RAB11FIP2: variants seen among roughly 807,000 people sequenced by gnomAD.
RAB11FIP2 encodes the protein RAB11 family interacting protein 2.
Under a neutral mutation model 40.9 loss-of-function variants are expected in RAB11FIP2, and 16 were observed. That is an observed-to-expected ratio of 0.39 (90% CI 0.26 to 0.59). The LOEUF (loss-of-function observed/expected upper bound fraction) is 0.59. Ranked by LOEUF, RAB11FIP2 falls within the 20% of genes least tolerant of loss-of-function variation. RAB11FIP2 has a pLI of 0.53. For synonymous variants in RAB11FIP2, 228 were observed against 213.7 expected (o/e 1.07, Z -0.58); for missense variants, 532 against 606.2 (o/e 0.88, Z 1.28).
Position 118,005,225 on chromosome 10 carries a change from G to A in RAB11FIP2, c.*3773C>T, listed in dbSNP as rs543577948. On this transcript the variant is annotated 3_prime_UTR_variant, in exon 5 of 5. Transcript: ENST00000355624. ...ATCTGGAAGCTTCGAAGACTAACAG[G>A]CCCACATGTATCATGTATTAGACTT... 1.3e-5 allele frequency: 2 copies of A among 152,638 alleles called. No individual in the cohort carries two copies. The highest frequency in any genetic ancestry group is 6.5e-5 in the Admixed American group (1 of 15,284). The allele number at this position is 152,638 out of a possible 1,614,324, so 9.5% of individuals were successfully genotyped here.
At chr10:118,024,263 A>C (rs969774092) in intron 3 of RAB11FIP2, among the ~76,000 whole-genome samples, 2 of 152,094 alleles carry the variant, frequency 1.3e-5, no homozygotes, top group African/African-American at 2.4e-5. Context: ...ATCCAACAAC[A>C]AGCATACAAT....
At chr10:118,024,834 G>A (rs376230964) in intron 3 of RAB11FIP2, among the ~76,000 whole-genome samples, 116 of 152,240 alleles carry the variant, frequency 7.6e-4, no homozygotes, top group African/African-American at 2.6e-3. Flanking sequence ...GAGAAGTCAC[G>A]GTGTCCTCTG....
Position 118,039,243 on chromosome 10 carries a change from A to G in RAB11FIP2, c.994T>C (p.Trp332Arg), listed in dbSNP as rs1376489492. Residue 332 changes from tryptophan to arginine, a missense_variant, in exon 3 of 5, where the codon TGG (tryptophan) becomes CGG (arginine). By Grantham distance (101) the Trp-to-Arg change is moderately radical. Coordinates refer to ENST00000355624, the MANE Select transcript of RAB11FIP2 (RefSeq NM_014904.3). ...GAAAATAAATTCATGCTGCTGTCCCATGTTTCGCTGCTTTCTTCAAATGGA... is the reference window on the plus strand; with the variant it reads ...GAAAATAAATTCATGCTGCTGTCCCGTGTTTCGCTGCTTTCTTCAAATGGA... ...KNPFEESSET[W>R]DSSMNLFSKP... 1.9e-6 allele frequency: 3 copies of G among 1,613,432 alleles called. No homozygotes were observed. The Admixed American group carries it at 5.0e-5, about 27-fold the overall frequency.
In RAB11FIP2 at chr10:118,039,222, A is replaced by G; in HGVS notation, c.1015T>C (p.Phe339Leu). 6.2e-7 allele frequency: 1 copy of G among 1,613,668 alleles called. No individual in the cohort carries two copies. Among genetic ancestry groups the G allele is most frequent in the Non-Finnish European group, 8.5e-7 (1 of 1,179,754 alleles). ...SETWDSSMNL[F>L]SKPIEIRKEN... ...TTTCTTATTTCAATTGGTTTTGAAAATAAATTCATGCTGCTGTCCCATGTT... is the reference window on the plus strand; with the variant it reads ...TTTCTTATTTCAATTGGTTTTGAAAGTAAATTCATGCTGCTGTCCCATGTT... The change falls in exon 3 of 5, where the codon TTT (phenylalanine) becomes CTT (leucine). Residue 339 changes from phenylalanine (F) to leucine (L), a missense_variant. Physicochemically the swap from Phe to Leu is conservative, Grantham distance 22 (BLOSUM62 0). Transcript: ENST00000355624.
chr10:118,013,076 G>T (rs886645896), intron 4 of RAB11FIP2, among the ~76,000 whole-genome samples: 1 of 151,956 alleles, frequency 6.6e-6, no homozygotes, highest in Non-Finnish European at 1.5e-5. Flanking sequence ...TTTAAACTAG[G>T]AAATGTACAT....
Position 118,033,755 on chromosome 10 carries a change from A to G in RAB11FIP2, c.1265+5217T>C, listed in dbSNP as rs12219423. 1.2e-3 allele frequency among the ~76,000 whole-genome samples: 179 copies of G among 152,312 alleles called. 2 individuals are homozygous for G. In the East Asian group the frequency reaches 0.03, roughly 26 times the overall value. On this transcript the variant is annotated intron_variant, in intron 3 of 4. Coordinates refer to ENST00000355624, the MANE Select transcript of RAB11FIP2 (RefSeq NM_014904.3). ...TTTGGATTTGGTGTTGCAAACCAGTAGTTCTTAAACTTTTTTGACTAGGGC... is the reference window on the plus strand; with the variant it reads ...TTTGGATTTGGTGTTGCAAACCAGTGGTTCTTAAACTTTTTTGACTAGGGC...
chr10:118,013,615 C>G (rs780828493), intron 4 of RAB11FIP2, among the ~76,000 whole-genome samples: 1 of 152,064 alleles, frequency 6.6e-6, no homozygotes, highest in Admixed American at 6.6e-5. Flanking sequence ...TACGAAGATG[C>G]GCTTCCTCCT....
At chr10:118,019,780 C>G (rs1463859390) in intron 3 of RAB11FIP2, among the ~76,000 whole-genome samples, 2 of 150,248 alleles carry the variant, frequency 1.3e-5, no homozygotes, top group Admixed American at 1.3e-4. Context: ...GAGCCGAGAT[C>G]GCGCCACTGC....
rs187932637 is a variant in RAB11FIP2, at chr10:118,039,250, G to A, written c.987C>T (p.Ser329=). 1.8e-5 allele frequency: 29 copies of A among 1,613,158 alleles called. No homozygotes were observed. The highest frequency in any genetic ancestry group is 1.8e-4 in the East Asian group (8 of 44,848). The change falls in exon 3 of 5, where the codon AGC becomes AGT. Residue 329 remains serine (S), a synonymous_variant. Coordinates refer to ENST00000355624, the MANE Select transcript of RAB11FIP2 (RefSeq NM_014904.3). ...PRKKNPFEES[S]ETWDSSMNLF... ...AATTCATGCTGCTGTCCCATGTTTC[G>A]CTGCTTTCTTCAAATGGATTTTTCT...
rs142120888 is a variant in RAB11FIP2 at position 118,013,855 on chromosome 10, G to A, written c.1311+1210C>T. Among the ~76,000 whole-genome samples the A allele has an allele frequency of 9.4e-3, 1,426 of 152,174 alleles. 9 individuals are homozygous for A. Among genetic ancestry groups the A allele is most frequent in the Middle Eastern group, 0.017 (5 of 294 alleles). On this transcript the variant is annotated intron_variant, in intron 4 of 4. Transcript: ENST00000355624. ...AGTACATTTACAAGCAATCGAAATT[G>A]TAATTAAGGTTACTTAATAAACAAT... is the stretch of plus-strand genomic sequence containing the variant.
intron 3 of RAB11FIP2, among the ~76,000 whole-genome samples, chr10:118,027,524 AATAT>A (rs1395712164): frequency 6.6e-6 from 1 of 152,206 alleles, no homozygotes; most frequent in Admixed American, 6.5e-5. Context: ...TAGAAAACAA[AATAT>A]GTGATTAACT....
chr10:118,045,921 A>C lies in RAB11FIP2; in HGVS notation c.243T>G (p.Ile81Met), dbSNP rs1436597718. 1 of 1,614,110 alleles carries C rather than the reference A, an allele frequency of 6.2e-7. No individual in the cohort carries two copies. Among genetic ancestry groups the C allele is most frequent in the Non-Finnish European group, 8.5e-7 (1 of 1,180,048 alleles). The change falls in exon 1 of 5, where the codon ATT becomes ATG. Residue 81 changes from isoleucine (I) to methionine (M), a missense_variant. By Grantham distance (10) the Ile-to-Met change is conservative. Transcript: ENST00000355624. Reference sequence around the variant, plus strand: ...ACCTGTGCATAACTATAAGGAAAAGAATGTATTTCTCTGGACTTCCCTGAA... The same window carrying C: ...ACCTGTGCATAACTATAAGGAAAAGCATGTATTTCTCTGGACTTCCCTGAA... Reference protein sequence around the residue: ...LLIQGSPEKYILFLIVMHRSL... With the variant: ...LLIQGSPEKYMLFLIVMHRSL...
At chr10:118,043,744 T>TA (rs1055111830) in intron 1 of RAB11FIP2, among the ~76,000 whole-genome samples, 1 of 152,180 alleles carries the variant, frequency 6.6e-6, no homozygotes, top group Non-Finnish European at 1.5e-5. Flanking sequence ...AACAGTTTTC[T>TA]AAAAAGCACT....
intron 4 of RAB11FIP2, among the ~76,000 whole-genome samples, chr10:118,012,120 A>G (rs978985916): frequency 6.6e-6 from 1 of 152,040 alleles, no homozygotes; most frequent in African/African-American, 2.4e-5. Context: ...GCCATGATAT[A>G]AATTAATAGT....
At chr10:118,044,994 A>G (rs1846608087) in intron 1 of RAB11FIP2, among the ~76,000 whole-genome samples, 1 of 152,136 alleles carries the variant, frequency 6.6e-6, no homozygotes. Context: ...ACAATATCCT[A>G]GTGTTAATTT....
chr10:118,018,124 C>T (rs2996224), intron 3 of RAB11FIP2: 11,315 of 152,278 alleles, frequency 0.074, 759 homozygotes, highest in East Asian at 0.4. Flanking sequence ...TGTCTGAAGT[C>T]TAAAGGCAGA....
At chr10:118,014,869 G>A (rs1209695461) in intron 4 of RAB11FIP2, among the ~76,000 whole-genome samples, 196 bp downstream of exon 4, 1 of 151,940 alleles carries the variant, frequency 6.6e-6, no homozygotes, top group Non-Finnish European at 1.5e-5. Flanking sequence ...TAGATCATAC[G>A]AGTCACACCC....
At position 118,009,217 on chromosome 10, in the gene RAB11FIP2, G is replaced by A; in HGVS notation, c.1320C>T (p.Asn440=). The A allele has an allele frequency of 6.2e-7, 1 of 1,611,864 alleles. No homozygotes were observed. The highest frequency in any genetic ancestry group is 8.5e-7 in the Non-Finnish European group (1 of 1,178,206). ...GATACCCTGCAGTGGCATCAAAGGGGTTGCTGTCCTAGAACAGGATAAAGA... is the reference window on the plus strand; with the variant it reads ...GATACCCTGCAGTGGCATCAAAGGGATTGCTGTCCTAGAACAGGATAAAGA... ...NEDLRKIPDS[N]PFDATAGYRS... The change falls in exon 5 of 5, where the codon AAC becomes AAT. Residue 440 remains asparagine, a synonymous_variant. Transcript: ENST00000355624.
intron 3 of RAB11FIP2, chr10:118,017,515 T>C (rs1045002091): frequency 3.3e-5 from 5 of 152,124 alleles, no homozygotes; most frequent in African/African-American, 1.2e-4. Flanking sequence ...TGCAAACATA[T>C]GGCGTGGCCT....
Sources: allele counts gnomAD v4.1 joint callset (sites outside exome capture counted in the v4.1 genomes callset), GRCh38; gene constraint gnomAD v4.1.1; transcripts MANE v1.5; gene names NCBI Gene and HGNC (gene_info 2026-07-23, HGNC 2026-07-21).